Variants in TDRD3 observed in about 807,000 individuals in gnomAD.
The protein encoded by TDRD3 is tudor domain containing 3.
In TDRD3, 45 loss-of-function variants were observed where a neutral mutation model predicts 86.7. The observed-to-expected ratio is 0.52, with a 90% confidence interval of 0.41 to 0.67. The LOEUF (loss-of-function observed/expected upper bound fraction) is 0.67. TDRD3 is among the 30% of genes least tolerant of loss of function. The pLI, the probability that TDRD3 is intolerant of heterozygous loss-of-function variation, is 0.00. For synonymous variants in TDRD3, 298 were observed against 301.7 expected, an observed-to-expected ratio of 0.99 and a Z score of 0.13; for missense variants, 814 against 889.0, an observed-to-expected ratio of 0.92 and a Z score of 1.07.
chr13:60,537,703 A>G (rs562140185), intron 12 of TDRD3: 10 of 152,110 alleles, frequency 6.6e-5, no homozygotes, highest in Non-Finnish European at 1.5e-4. Flanking sequence ...AGGCCTTAGC[A>G]CAATTACACT....
At chr13:60,482,861 C>A (rs1956350133) in intron 5 of TDRD3, among the ~76,000 whole-genome samples, 1 of 151,198 alleles carries the variant, frequency 6.6e-6, no homozygotes, top group Non-Finnish European at 1.5e-5. Flanking sequence ...ACTTTGTCAC[C>A]TATTTTACAT....
At chr13:60,477,809 C>G (rs1269430041) in intron 5 of TDRD3, among the ~76,000 whole-genome samples, 2 of 152,172 alleles carry the variant, frequency 1.3e-5, no homozygotes, top group African/African-American at 2.4e-5. Context: ...CTACGTGCAT[C>G]AGGAATACTG....
chr13:60,457,007 T>G (rs578167134), intron 3 of TDRD3, among the ~76,000 whole-genome samples: 1 of 152,306 alleles, frequency 6.6e-6, no homozygotes, highest in Admixed American at 6.5e-5. Flanking sequence ...TAAGATGATT[T>G]TAGATTCAGG....
At chr13:60,559,548 T>A (rs947868120) in intron 12 of TDRD3, among the ~76,000 whole-genome samples, 1 of 152,210 alleles carries the variant, frequency 6.6e-6, no homozygotes, top group Non-Finnish European at 1.5e-5. Context: ...TTACATGATG[T>A]TTATAGTAGC....
At chr13:60,560,614 T>G (rs1958311685) in intron 12 of TDRD3, among the ~76,000 whole-genome samples, 2 of 152,150 alleles carry the variant, frequency 1.3e-5, no homozygotes, top group South Asian at 4.1e-4. Context: ...TAGTGTCATT[T>G]AAAAATTAGC....
intron 5 of TDRD3, among the ~76,000 whole-genome samples, chr13:60,474,415 G>T (rs988691512): frequency 1.3e-5 from 2 of 152,042 alleles, no homozygotes; most frequent in Non-Finnish European, 2.9e-5. Flanking sequence ...TCTTTGTGTT[G>T]TGTCTTTATT....
At chr13:60,541,716 CTTTTTTTTTTTTT>C (rs71199007) in intron 12 of TDRD3, among the ~76,000 whole-genome samples, 34 of 41,034 alleles carry the variant, frequency 8.3e-4, no homozygotes, top group Middle Eastern at 0.037. Flanking sequence ...TCAGCATAGT[CTTTTTTTTTTTTT>C]TTTTTTTTTT....
At chr13:60,476,145 G>A (rs1956182288) in intron 5 of TDRD3, among the ~76,000 whole-genome samples, 1 of 151,930 alleles carries the variant, frequency 6.6e-6, no homozygotes, top group African/African-American at 2.4e-5. Flanking sequence ...ATTTCCTAGG[G>A]TTTCTTCTAG....
At chr13:60,536,884 C>T (rs1430138512) in intron 12 of TDRD3, 1 of 151,940 alleles carries the variant, frequency 6.6e-6, no homozygotes, top group East Asian at 1.9e-4. Flanking sequence ...CAGTCAGTGA[C>T]TTTTCCTATT....
chr13:60,479,603 T>A (rs1262700617), intron 5 of TDRD3, among the ~76,000 whole-genome samples: 1 of 152,218 alleles, frequency 6.6e-6, no homozygotes, highest in African/African-American at 2.4e-5. Flanking sequence ...TATGTTGAAA[T>A]CTCTCACTAT....
chr13:60,541,716 CTTTTTTTTTTTTTTTT>C (rs71199007), intron 12 of TDRD3, among the ~76,000 whole-genome samples: 41 of 41,006 alleles, frequency 1.0e-3, no homozygotes, highest in African/African-American at 1.4e-3. Flanking sequence ...TCAGCATAGT[CTTTTTTTTTTTTTTTT>C]TTTTTTTTTT....
At chr13:60,482,159 TG>T (rs1269089986) in intron 5 of TDRD3, among the ~76,000 whole-genome samples, 2 of 152,224 alleles carry the variant, frequency 1.3e-5, no homozygotes, top group African/African-American at 4.8e-5. Context: ...GGAACTCCTT[TG>T]AGGGTTTCTG....
intron 8 of TDRD3, among the ~76,000 whole-genome samples, chr13:60,499,869 A>T (rs564879824): frequency 6.6e-6 from 1 of 152,330 alleles, no homozygotes; most frequent in South Asian, 2.1e-4. Flanking sequence ...TGGCGGATTT[A>T]TCAAGTGACC....
chr13:60,455,122 A>G (rs1463018510), intron 3 of TDRD3, among the ~76,000 whole-genome samples: 1 of 152,226 alleles, frequency 6.6e-6, no homozygotes, highest in Admixed American at 6.5e-5. Context: ...CATGTTGGTC[A>G]GGCTAGTCTG....
At chr13:60,546,595 CTATT>C (rs1199463935) in intron 12 of TDRD3, among the ~76,000 whole-genome samples, 2 of 152,022 alleles carry the variant, frequency 1.3e-5, no homozygotes, top group African/African-American at 4.8e-5. Context: ...AATTTCCTAT[CTATT>C]CTAATGACTA....
rs79678674 is a variant in TDRD3 at position 60,491,377 on chromosome 13, G to A, written c.718-3058G>A. Among the ~76,000 whole-genome samples, 1,218 of 152,140 alleles carry A rather than the reference G, an allele frequency of 8.0e-3. 23 individuals are homozygous for A. Among genetic ancestry groups the A allele is most frequent in the African/African-American group, 0.027 (1,108 of 41,502 alleles). The stretch of plus-strand genomic sequence containing the variant: ...ACTTGAGAGTTGTAGACATATGGAT[G>A]GTATTGAAAATTATGAGGCCAAATG... On this transcript the variant is annotated intron_variant, in intron 7 of 13. Transcript: ENST00000377881.
intron 10 of TDRD3, among the ~76,000 whole-genome samples, chr13:60,517,009 AT>A (rs1957187290): frequency 6.6e-6 from 1 of 152,044 alleles, no homozygotes; most frequent in Admixed American, 6.6e-5. Flanking sequence ...CATTATTTTT[AT>A]TTTCTGTGGA....
chr13:60,509,202 A>G (rs1957001826), intron 8 of TDRD3, among the ~76,000 whole-genome samples: 1 of 151,978 alleles, frequency 6.6e-6, no homozygotes, highest in South Asian at 2.1e-4. Flanking sequence ...TTTAAAAGAG[A>G]TTTGGATTCT....
chr13:60,572,990 T>G (rs989164051), intron 13 of TDRD3, among the ~76,000 whole-genome samples: 1 of 152,186 alleles, frequency 6.6e-6, no homozygotes, highest in African/African-American at 2.4e-5. Flanking sequence ...ACTTACGAGC[T>G]GTTTGTATGC....
Sources: gnomAD v4.1 joint callset for allele counts (sites outside exome capture counted in the v4.1 genomes callset) on GRCh38, gnomAD v4.1.1 for gene constraint, MANE v1.5 for transcripts, NCBI Gene and HGNC (gene_info 2026-07-23, HGNC 2026-07-21) for gene names.